The following DERA variants were observed in gnomAD, a reference collection of about 807,000 sequenced individuals.
DERA encodes the protein 2-deoxy-D-ribose 5-phosphate aldolase.
In DERA, 15 loss-of-function variants were observed where a neutral mutation model predicts 41.1. That is an observed-to-expected ratio of 0.37 (90% CI 0.24 to 0.56). The LOEUF is 0.56. Ranked by LOEUF, DERA falls within the 20% of genes least tolerant of loss-of-function variation. The pLI is 0.81. For missense variants in DERA, 396 were observed against 403.4 expected (o/e 0.98, Z 0.16); for synonymous variants, 139 against 137.4 (o/e 1.01, Z -0.08).
rs890141911 is a variant in DERA at position 16,011,117 on chromosome 12, C to G, written c.638-21425C>G. Among the ~76,000 whole-genome samples, 3 of 152,122 alleles carry G rather than the reference C, an allele frequency of 2.0e-5. No individual in the cohort carries two copies. Among genetic ancestry groups the G allele is most frequent in the Non-Finnish European group, 4.4e-5 (3 of 68,022 alleles). On this transcript the variant is annotated intron_variant, in intron 6 of 8. Coordinates refer to ENST00000428559, the MANE Select transcript of DERA (RefSeq NM_015954.4). The surrounding 1 kb of genome is among the most constrained non-coding windows in gnomAD (Gnocchi z 4.7). ...TAATTTTCTCTCAAGTTAATAGATT[C>G]CACACAAGCATACCTGACTTTTAAT...
chr12:15,995,099 T>C lies in DERA; in HGVS notation c.637+12663T>C, dbSNP rs1948828502. On this transcript the variant is annotated intron_variant, in intron 6 of 8. Transcript: ENST00000428559. This position sits in a 1 kb window ranked among gnomAD's most constrained non-coding sequence, Gnocchi z 5.1. Reference sequence around the variant, plus strand: ...CACAACCCTGCTCTCTATCCTGCAATTGATCTGTATATCAGATAATATTTA... The same window carrying C: ...CACAACCCTGCTCTCTATCCTGCAACTGATCTGTATATCAGATAATATTTA... Among the ~76,000 whole-genome samples the C allele has an allele frequency of 1.3e-5, 2 of 152,230 alleles. No homozygotes were observed. Among genetic ancestry groups the C allele is most frequent in the Admixed American group, 6.5e-5 (1 of 15,282 alleles).
chr12:15,919,464 C>T (rs1429405159), intron 1 of DERA, among the ~76,000 whole-genome samples: 1 of 151,958 alleles, frequency 6.6e-6, no homozygotes, highest in East Asian at 1.9e-4. Context: ...TTTTAAAACA[C>T]TGTCTGTCAC....
In DERA at chr12:15,992,549, G is replaced by A. The variant is rs930691771; in HGVS notation, c.637+10113G>A. On this transcript the variant is annotated intron_variant, in intron 6 of 8. Coordinates refer to ENST00000428559, the MANE Select transcript of DERA (RefSeq NM_015954.4). The surrounding 1 kb of genome is among the most constrained non-coding windows in gnomAD (Gnocchi z 4.3). The stretch of plus-strand genomic sequence containing the variant: ...ATGTACATTAGTGGAAATGTGGTAA[G>A]GGAAGTACAAATACAGGAGGAACTA... 1.3e-5 allele frequency among the ~76,000 whole-genome samples: 2 copies of A among 152,096 alleles called. No homozygotes were observed. Among genetic ancestry groups the A allele is most frequent in the African/African-American group, 4.8e-5 (2 of 41,424 alleles).
intron 1 of DERA, among the ~76,000 whole-genome samples, chr12:15,947,757 T>C (rs1268826609): frequency 6.6e-6 from 1 of 152,210 alleles, no homozygotes; most frequent in Non-Finnish European, 1.5e-5. Flanking sequence ...CATTATGATG[T>C]TAGCTGGTTA....
At chr12:15,974,365 T>C (rs1565601798) in intron 5 of DERA, among the ~76,000 whole-genome samples, 1 of 152,204 alleles carries the variant, frequency 6.6e-6, no homozygotes, top group Non-Finnish European at 1.5e-5. Flanking sequence ...AACCTAAGAA[T>C]ACTAAGAACA....
In DERA at chr12:16,036,738, A is replaced by G. The variant is rs772492264; in HGVS notation, c.949A>G (p.Met317Val). The G allele has an allele frequency of 2.4e-5, 39 of 1,597,174 alleles. No homozygotes were observed. Among genetic ancestry groups the G allele is most frequent in the African/African-American group, 4.1e-5 (3 of 73,940 alleles). The stretch of plus-strand genomic sequence containing the variant: ...ATATGCAGCTTATCATGATCTTCCA[A>G]TGTCTTAAATCAGTCACCAGTTCCA... Reference protein sequence around the residue: ...GRYAAYHDLPMS With the variant: ...GRYAAYHDLPVS Residue 317 changes from methionine (M) to valine (V), a missense_variant, in exon 9 of 9, where the codon ATG becomes GTG. Transcript: ENST00000428559. This position sits in a 1 kb window ranked among gnomAD's most constrained non-coding sequence, Gnocchi z 4.9.
chr12:15,986,833 A>G (rs1468384349), intron 6 of DERA, among the ~76,000 whole-genome samples: 1 of 152,096 alleles, frequency 6.6e-6, no homozygotes, highest in Non-Finnish European at 1.5e-5. Flanking sequence ...AGTCTGGGAA[A>G]CTTCCCTGGG....
chr12:15,955,697 C>T (rs1948532957), intron 1 of DERA, among the ~76,000 whole-genome samples: 1 of 151,976 alleles, frequency 6.6e-6, no homozygotes, highest in African/African-American at 2.4e-5. Flanking sequence ...ATCTCTATAC[C>T]TTTAATACTG....
chr12:15,925,891 G>A (rs576911456), intron 1 of DERA, among the ~76,000 whole-genome samples: 6 of 135,076 alleles, frequency 4.4e-5, no homozygotes, highest in African/African-American at 1.4e-4. Flanking sequence ...ACAATGGCAC[G>A]ATCTCGGCTC....
intron 5 of DERA, among the ~76,000 whole-genome samples, chr12:15,977,533 A>G (rs1055167966): frequency 1.3e-5 from 2 of 152,170 alleles, no homozygotes; most frequent in South Asian, 2.1e-4. Context: ...GCTCACTGCA[A>G]CCTTCGCCTC....
Position 15,936,865 on chromosome 12 carries a change from CT to C in DERA, c.32-20069del, listed in dbSNP as rs1565588547. Among the ~76,000 whole-genome samples the C allele has an allele frequency of 1.2e-3, 156 of 135,336 alleles. 2 individuals are homozygous for C. In the East Asian group the frequency reaches 0.029, roughly 25 times the overall value. The allele number at this position is 135,336 out of a possible 152,430, so 88.8% of individuals were successfully genotyped here. A position where few individuals can be genotyped will look rare whatever the true frequency, so the allele number is the denominator to read the frequency against. ...TCTGTCTTGTGTTGTCTTGTCTTGT[CT>C]TGTCTTGTCTTGTCTTGTCTTGTCC... On this transcript the variant is annotated intron_variant, in intron 1 of 8. Transcript: ENST00000428559. The surrounding 1 kb of genome is among the most constrained non-coding windows in gnomAD (Gnocchi z 4.6).
intron 1 of DERA, among the ~76,000 whole-genome samples, chr12:15,951,972 G>A (rs576484111): frequency 6.6e-6 from 1 of 151,668 alleles, no homozygotes; most frequent in East Asian, 1.9e-4. Context: ...CGCAATCTCA[G>A]CTCACTGCAA....
At position 15,982,255 on chromosome 12, in the gene DERA, G is replaced by C; in HGVS notation, c.509-53G>C. The stretch of plus-strand genomic sequence containing the variant: ...TCCACCAGCTCTAAACGGCTGCCAA[G>C]TTATGTTATCACTTGCCTGCTTTGT... On this transcript the variant is annotated intron_variant, in intron 5 of 8. Transcript: ENST00000428559. The surrounding 1 kb of genome is among the most constrained non-coding windows in gnomAD (Gnocchi z 4.0). 1 of 1,572,560 alleles carries C rather than the reference G, an allele frequency of 6.4e-7. No individual in the cohort carries two copies. The highest frequency in any genetic ancestry group is 8.6e-7 in the Non-Finnish European group (1 of 1,161,498).
At chr12:16,005,672 G>C (rs780694090) in intron 6 of DERA, among the ~76,000 whole-genome samples, 4 of 152,116 alleles carry the variant, frequency 2.6e-5, no homozygotes, top group Non-Finnish European at 5.9e-5. Flanking sequence ...ATTTAGAAAA[G>C]ACCCTGCAAG....
At chr12:15,919,218 A>G (rs1948223731) in intron 1 of DERA, among the ~76,000 whole-genome samples, 1 of 152,200 alleles carries the variant, frequency 6.6e-6, no homozygotes, top group South Asian at 2.1e-4. Flanking sequence ...GTATAATTAA[A>G]TAATTAAAAG....
rs533990704 is a variant in DERA, at chr12:15,943,556, A to G, written c.32-13380A>G. Among the ~76,000 whole-genome samples, 175 of 152,274 alleles carry G rather than the reference A, an allele frequency of 1.1e-3. 1 individual carries two copies. The highest frequency in any genetic ancestry group is 4.1e-3 in the African/African-American group (169 of 41,560). On this transcript the variant is annotated intron_variant, in intron 1 of 8. Transcript: ENST00000428559. The surrounding 1 kb of genome is among the most constrained non-coding windows in gnomAD (Gnocchi z 4.5). Reference sequence around the variant, plus strand: ...TAAACCCTGTTGGCCATGGCTCACCATATGCATTGTATTTTATATTGCCAC... The same window carrying G: ...TAAACCCTGTTGGCCATGGCTCACCGTATGCATTGTATTTTATATTGCCAC...
Position 15,936,676 on chromosome 12 carries a change from T to A in DERA, c.32-20260T>A, listed in dbSNP as rs1003721082. On this transcript the variant is annotated intron_variant, in intron 1 of 8. Transcript: ENST00000428559. This position sits in a 1 kb window ranked among gnomAD's most constrained non-coding sequence, Gnocchi z 4.6. ...TATAGCTGGTTAATCCAAGCCATGA[T>A]ACAAATGAAGACTATGTATTTTATT... 6.6e-6 allele frequency among the ~76,000 whole-genome samples: 1 copy of A among 152,244 alleles called. No individual in the cohort carries two copies. Among genetic ancestry groups the A allele is most frequent in the Non-Finnish European group, 1.5e-5 (1 of 68,042 alleles).
chr12:16,024,964 A>G lies in DERA; in HGVS notation c.638-7578A>G, dbSNP rs538635160. Among the ~76,000 whole-genome samples, 3 of 152,292 alleles carry G rather than the reference A, an allele frequency of 2.0e-5. No homozygotes were observed. In the South Asian group the frequency reaches 6.2e-4, roughly 32 times the overall value. On this transcript the variant is annotated intron_variant, in intron 6 of 8. Transcript: ENST00000428559. ...AAAGAATTGGGAATACTTTGTTAAA[A>G]TGTACCTGCAGTACCTATGTAGTGG...
intron 1 of DERA, among the ~76,000 whole-genome samples, chr12:15,945,464 T>G (rs1417022777): frequency 6.6e-6 from 1 of 152,202 alleles, no homozygotes; most frequent in Non-Finnish European, 1.5e-5. Context: ...TAAGTTGGAT[T>G]CCTAGGTATT....
Sources: gnomAD v4.1 joint callset for allele counts (sites outside exome capture counted in the v4.1 genomes callset) on GRCh38, gnomAD v4.1.1 for gene constraint, Gnocchi (gnomAD v3.1) non-coding constraint, MANE v1.5 for transcripts, NCBI Gene and HGNC (gene_info 2026-07-23, HGNC 2026-07-21) for gene names.